The following ACTR3 variants were observed in gnomAD, a reference collection of about 807,000 sequenced individuals.
ACTR3 encodes the protein actin related protein 3.
A neutral mutation model predicts 56.8 loss-of-function variants in ACTR3; 12 were observed. That is an observed-to-expected ratio of 0.21 (90% CI 0.14 to 0.34). ACTR3 has a LOEUF of 0.34. Among genes scored for constraint, ACTR3 ranks in the 10% least tolerant of loss-of-function variants. The pLI, the probability that ACTR3 is intolerant of heterozygous loss-of-function variation, is 1.00. For synonymous variants in ACTR3, 162 were observed against 167.4 expected, an observed-to-expected ratio of 0.97 and a Z score of 0.25; for missense variants, 282 against 512.5, an observed-to-expected ratio of 0.55 and a Z score of 4.34.
At chr2:113,933,463 G>A (rs953730935) in intron 5 of ACTR3, among the ~76,000 whole-genome samples, 2 of 152,036 alleles carry the variant, frequency 1.3e-5, no homozygotes, top group African/African-American at 4.8e-5. Flanking sequence ...AGCCGAGATC[G>A]TGCCACTGCA....
intron 5 of ACTR3, 91 bp from the exon 6 acceptor site, chr2:113,934,188 C>A (rs1679780204): frequency 5.0e-6 from 4 of 806,028 alleles, no homozygotes. Flanking sequence ...TAAAGTACTC[C>A]AGGGAACTAG....
At chr2:113,907,316 A>G (rs190744915) in intron 1 of ACTR3, among the ~76,000 whole-genome samples, 3 of 152,126 alleles carry the variant, frequency 2.0e-5, no homozygotes, top group Non-Finnish European at 4.4e-5. Context: ...CTGTTGCCCA[A>G]CTGAAGTGCA....
chr2:113,890,127 T>C lies in ACTR3; in HGVS notation c.-153T>C. 1.1e-6 allele frequency: 1 copy of C among 937,390 alleles called. No individual in the cohort carries two copies. The highest frequency in any genetic ancestry group is 1.6e-6 in the Non-Finnish European group (1 of 609,316). 58.1% of individuals were successfully genotyped at this position (937,390 alleles called of 1,614,324 possible). ...TAGCCGCCGACCGAGCCTGCTGCTTTCTTGCTACTGCTTCGGCTTCCCGGC... is the reference window on the plus strand; with the variant it reads ...TAGCCGCCGACCGAGCCTGCTGCTTCCTTGCTACTGCTTCGGCTTCCCGGC... On this transcript the variant is annotated 5_prime_UTR_variant, in exon 1 of 12. Coordinates refer to ENST00000263238, the MANE Select transcript of ACTR3 (RefSeq NM_005721.5).
intron 3 of ACTR3, among the ~76,000 whole-genome samples, chr2:113,923,322 GTT>G (rs1679545802): frequency 5.7e-5 from 1 of 17,606 alleles, no homozygotes; most frequent in Non-Finnish European, 2.1e-4. Flanking sequence ...TGGAATATTT[GTT>G]TGTTTGTTTG....
rs1478946947 is a variant in ACTR3, at chr2:113,958,641, T to C, written c.*1186T>C. 2 of 152,196 alleles carry C rather than the reference T, an allele frequency of 1.3e-5. No homozygotes were observed. The highest frequency in any genetic ancestry group is 3.8e-4 in the East Asian group (2 of 5,204). The allele number at this position is 152,196 out of a possible 1,614,324, so 9.4% of individuals were successfully genotyped here. A position where few individuals can be genotyped will look rare whatever the true frequency, so the allele number is the denominator to read the frequency against. ...GTAATGTAATTCTATTTTGTTTTTA[T>C]GTATGTGATATCTGTTTCTGTTGAG... On this transcript the variant is annotated 3_prime_UTR_variant, in exon 12 of 12. Transcript: ENST00000263238.
At chr2:113,951,623 A>G in intron 9 of ACTR3, 52 bp downstream of exon 9, 1 of 1,537,920 alleles carries the variant, frequency 6.5e-7, no homozygotes, top group Non-Finnish European at 9.0e-7. Context: ...AAACTTAAAC[A>G]CCTCTCATAA....
At chr2:113,941,210 C>A (rs1679918934) in intron 7 of ACTR3, among the ~76,000 whole-genome samples, 1 of 152,098 alleles carries the variant, frequency 6.6e-6, no homozygotes, top group Non-Finnish European at 1.5e-5. Flanking sequence ...CCAAAAGTTA[C>A]CCCAAGTTGG....
At chr2:113,942,439 A>C (rs1231060226) in intron 8 of ACTR3, 80 bp downstream of exon 8, 1 of 991,304 alleles carries the variant, frequency 1.0e-6, no homozygotes, top group Admixed American at 3.2e-5. Context: ...AATTAATCTC[A>C]GAAACTTTTA....
chr2:113,932,423 T>C (rs1482854378), intron 5 of ACTR3, among the ~76,000 whole-genome samples: 4 of 152,192 alleles, frequency 2.6e-5, no homozygotes, highest in South Asian at 2.1e-4. Flanking sequence ...AATAAACTTA[T>C]GTTTAACCAT....
chr2:113,939,876 G>A (rs1679894068), intron 6 of ACTR3, 83 bp from the exon 7 acceptor site: 1 of 1,227,892 alleles, frequency 8.1e-7, no homozygotes, highest in South Asian at 1.5e-5. Flanking sequence ...TTAATAAATT[G>A]GTCTTTATTG....
intron 8 of ACTR3, among the ~76,000 whole-genome samples, chr2:113,944,254 G>A (rs1484232426): frequency 1.3e-5 from 2 of 152,086 alleles, no homozygotes; most frequent in African/African-American, 4.8e-5. Flanking sequence ...CTGAGAGATG[G>A]CTATGAAAGA....
At chr2:113,925,987 T>C (rs1014719117) in intron 3 of ACTR3, among the ~76,000 whole-genome samples, 22 of 152,152 alleles carry the variant, frequency 1.4e-4, no homozygotes, top group African/African-American at 5.1e-4. Flanking sequence ...TCGAAAGAAA[T>C]GTCTGATAGT....
chr2:113,956,547 T>G (rs1372138693), intron 11 of ACTR3, among the ~76,000 whole-genome samples: 2 of 152,156 alleles, frequency 1.3e-5, no homozygotes, highest in African/African-American at 2.4e-5. Flanking sequence ...AAGTTAAGCT[T>G]CATTGCATAG....
intron 1 of ACTR3, among the ~76,000 whole-genome samples, chr2:113,912,546 A>G (rs992899943): frequency 5.8e-4 from 88 of 152,358 alleles, no homozygotes; most frequent in African/African-American, 2.0e-3. Flanking sequence ...ACAATGTACA[A>G]TGAAAACAAA....
intron 11 of ACTR3, among the ~76,000 whole-genome samples, chr2:113,956,147 C>T (rs1375171298): frequency 6.6e-6 from 1 of 151,960 alleles, no homozygotes; most frequent in Non-Finnish European, 1.5e-5. Flanking sequence ...CCACCTCAGC[C>T]TCCCAAAGAG....
intron 8 of ACTR3, among the ~76,000 whole-genome samples, chr2:113,949,277 C>G (rs541727292): frequency 3.9e-4 from 57 of 147,900 alleles, no homozygotes; most frequent in Non-Finnish European, 6.1e-4. Context: ...ACTCGGGAGG[C>G]TGAGGTAGGA....
intron 6 of ACTR3, among the ~76,000 whole-genome samples, chr2:113,936,970 C>G (rs1025890462): frequency 6.6e-6 from 1 of 152,152 alleles, no homozygotes; most frequent in Non-Finnish European, 1.5e-5. Context: ...CTAATGAATT[C>G]ATTTTAACTA....
chr2:113,946,326 T>A (rs1053981178), intron 8 of ACTR3, among the ~76,000 whole-genome samples: 45 of 152,134 alleles, frequency 3.0e-4, no homozygotes, highest in African/African-American at 9.4e-4. Context: ...ATTTATTTTT[T>A]AAAAATATTT....
chr2:113,917,812 T>G (rs1353474484), intron 3 of ACTR3, among the ~76,000 whole-genome samples: 1 of 152,078 alleles, frequency 6.6e-6, no homozygotes, highest in African/African-American at 2.4e-5. Flanking sequence ...AGGAAGACAT[T>G]GAAGAAATAA....
Sources: allele counts gnomAD v4.1 joint callset (sites outside exome capture counted in the v4.1 genomes callset), GRCh38; gene constraint gnomAD v4.1.1; transcripts MANE v1.5; gene names NCBI Gene and HGNC (gene_info 2026-07-23, HGNC 2026-07-21).